DLGAP2: variants seen among roughly 807,000 people sequenced by gnomAD.
DLGAP2 encodes disks large-associated protein 2.
A neutral mutation model predicts 100.3 loss-of-function variants in DLGAP2; 26 were observed. The observed-to-expected ratio is 0.26, with a 90% CI of 0.19 to 0.36. The LOEUF is 0.36. Among genes scored for constraint, DLGAP2 ranks in the 10% least tolerant of loss-of-function variants. The pLI is 1.00. For missense variants in DLGAP2, 1,858 were observed against 1,453.2 expected, an observed-to-expected ratio of 1.28 and a Z score of -4.53; for synonymous variants, 886 against 630.1, an observed-to-expected ratio of 1.41 and a Z score of -6.08.
chr8:1,537,784 A>AGGACGGAC (rs1554493151), intron 4 of DLGAP2, among the ~76,000 whole-genome samples: 1 of 140,982 alleles, frequency 7.1e-6, no homozygotes, highest in African/African-American at 2.6e-5. Flanking sequence ...GAAGGAAGGA[A>AGGACGGAC]GGACAAATGG....
intron 4 of DLGAP2, among the ~76,000 whole-genome samples, chr8:1,540,126 C>A (rs1801311714): frequency 6.6e-6 from 1 of 152,224 alleles, no homozygotes; most frequent in African/African-American, 2.4e-5. Flanking sequence ...GTGCCTGGAA[C>A]CCTCCACCCA....
At chr8:1,474,219 G>A (rs558959069) in intron 3 of DLGAP2, among the ~76,000 whole-genome samples, 15 of 152,070 alleles carry the variant, frequency 9.9e-5, no homozygotes, top group African/African-American at 3.1e-4. Context: ...ATTTTATTCC[G>A]TTTTTTGGCT....
At chr8:1,353,053 A>T (rs1801771254) in intron 3 of DLGAP2, among the ~76,000 whole-genome samples, 1 of 152,214 alleles carries the variant, frequency 6.6e-6, no homozygotes, top group African/African-American at 2.4e-5. Flanking sequence ...CTGAACTGGC[A>T]TGAGCTGCCT....
At chr8:1,074,883 C>T (rs1056335778) in intron 2 of DLGAP2, among the ~76,000 whole-genome samples, 6 of 152,198 alleles carry the variant, frequency 3.9e-5, no homozygotes, top group African/African-American at 1.4e-4. Context: ...CCAGCAGGGT[C>T]CTGCATGGGG....
chr8:1,561,699 GGGGGAC>G (rs1468409821), intron 5 of DLGAP2, among the ~76,000 whole-genome samples: 7 of 149,316 alleles, frequency 4.7e-5, no homozygotes, highest in African/African-American at 1.8e-4. Context: ...CCTCGTTACT[GGGGGAC>G]TGTGTGGTGT....
At chr8:913,609 A>G (rs1248635889) in intron 2 of DLGAP2, among the ~76,000 whole-genome samples, 1 of 152,222 alleles carries the variant, frequency 6.6e-6, no homozygotes, top group South Asian at 2.1e-4. Flanking sequence ...AATGCTTTCC[A>G]GTTTATAAGG....
chr8:996,782 A>G (rs1026429179), intron 2 of DLGAP2, among the ~76,000 whole-genome samples: 1 of 152,200 alleles, frequency 6.6e-6, no homozygotes, highest in African/African-American at 2.4e-5. Flanking sequence ...AGTGAGGAGA[A>G]TCATAAGTGT....
chr8:1,697,937 C>T (rs1799446809), intron 14 of DLGAP2, among the ~76,000 whole-genome samples: 1 of 152,238 alleles, frequency 6.6e-6, no homozygotes, highest in Admixed American at 6.5e-5. Flanking sequence ...GCAGCAAAGA[C>T]ATAGATTTCC....
chr8:1,047,756 C>T (rs966076288), intron 2 of DLGAP2, among the ~76,000 whole-genome samples: 12 of 152,076 alleles, frequency 7.9e-5, no homozygotes, highest in Admixed American at 2.0e-4. Flanking sequence ...GAGGGATCAG[C>T]CTTCATGCCC....
intron 3 of DLGAP2, among the ~76,000 whole-genome samples, chr8:1,476,281 C>T (rs1488679273): frequency 1.3e-5 from 2 of 152,084 alleles, no homozygotes; most frequent in Non-Finnish European, 2.9e-5. Context: ...TTTTTTAATC[C>T]CTCTGAAGTC....
chr8:1,448,474 T>C (rs182943210), intron 3 of DLGAP2, among the ~76,000 whole-genome samples: 35 of 152,324 alleles, frequency 2.3e-4, no homozygotes, highest in African/African-American at 7.7e-4. Flanking sequence ...ATTTCTGTTC[T>C]TTTACATTTG....
At chr8:948,707 G>A (rs1387830631) in intron 2 of DLGAP2, among the ~76,000 whole-genome samples, 1 of 152,270 alleles carries the variant, frequency 6.6e-6, no homozygotes, top group Non-Finnish European at 1.5e-5. Flanking sequence ...TGCTGCTCCA[G>A]CGCAGCCCAG....
chr8:862,428 G>A (rs1454877662), intron 1 of DLGAP2, among the ~76,000 whole-genome samples: 5 of 151,214 alleles, frequency 3.3e-5, no homozygotes, highest in African/African-American at 9.7e-5. Context: ...TCAGCCTCCC[G>A]AGTAGCTGAG....
At chr8:1,091,470 G>T (rs1462665706) in intron 2 of DLGAP2, among the ~76,000 whole-genome samples, 1 of 152,200 alleles carries the variant, frequency 6.6e-6, no homozygotes, top group Admixed American at 6.5e-5. Context: ...AAGAGAAATG[G>T]AACATCGTCT....
intron 1 of DLGAP2, among the ~76,000 whole-genome samples, chr8:829,659 G>A (rs1056527345): frequency 6.6e-6 from 1 of 152,068 alleles, no homozygotes; most frequent in South Asian, 2.1e-4. Context: ...TCTTACCATA[G>A]AAAAATTAAC....
intron 2 of DLGAP2, among the ~76,000 whole-genome samples, chr8:952,787 A>G (rs1799511732): frequency 6.6e-6 from 1 of 152,196 alleles, no homozygotes; most frequent in African/African-American, 2.4e-5. Flanking sequence ...GACTTCTCTA[A>G]TTTCTGGTAT....
intron 1 of DLGAP2, among the ~76,000 whole-genome samples, chr8:767,885 G>A (rs1039232958): frequency 2.6e-5 from 4 of 152,150 alleles, no homozygotes; most frequent in Non-Finnish European, 5.9e-5. Context: ...TTGCAGTAGA[G>A]GGCTTCATTT....
intron 2 of DLGAP2, among the ~76,000 whole-genome samples, chr8:1,009,302 A>G (rs1314825596): frequency 6.6e-6 from 1 of 152,206 alleles, no homozygotes; most frequent in African/African-American, 2.4e-5. Context: ...GAATGTTCCC[A>G]GTTTCCATTT....
chr8:858,729 G>A (rs1227446413), intron 1 of DLGAP2, among the ~76,000 whole-genome samples: 1 of 149,972 alleles, frequency 6.7e-6, no homozygotes, highest in East Asian at 2.0e-4. Flanking sequence ...CTCTCACCGT[G>A]GGCACATGTA....
Sources: allele counts gnomAD v4.1 joint callset (sites outside exome capture counted in the v4.1 genomes callset), GRCh38; gene constraint gnomAD v4.1.1; transcripts MANE v1.5; gene names NCBI Gene and HGNC (gene_info 2026-07-23, HGNC 2026-07-21).